The following RASA1 variants were observed in gnomAD, a reference collection of about 807,000 sequenced individuals.
The protein encoded by RASA1 is ras GTPase-activating protein 1.
RASA1 carries 25 observed loss-of-function variants against 132.2 expected under a neutral mutation model. The ratio of observed to expected loss-of-function variants is 0.19; its 90% CI spans 0.14 to 0.26. The LOEUF (loss-of-function observed/expected upper bound fraction) is 0.26, where lower values mean the gene tolerates loss of function less well. Ranked by LOEUF, RASA1 falls within the 10% of genes least tolerant of loss-of-function variation. The pLI is 1.00. For synonymous variants in RASA1, 477 were observed against 449.9 expected, an observed-to-expected ratio of 1.06 and a Z score of -0.76; for missense variants, 964 against 1,299.2, an observed-to-expected ratio of 0.74 and a Z score of 3.97.
At chr5:87,363,282 AT>A in intron 10 of RASA1, 65 bp from the exon 11 acceptor site, 1 of 1,369,874 alleles carries the variant, frequency 7.3e-7, no homozygotes, top group East Asian at 2.3e-5. Context: ...AGAAACACTA[AT>A]TTTAATAATA....
chr5:87,288,177 TATATATATATACC>T (rs1460647793), intron 1 of RASA1, among the ~76,000 whole-genome samples: 1 of 148,488 alleles, frequency 6.7e-6, no homozygotes, highest in African/African-American at 2.5e-5. Context: ...ACACACCATA[TATATATATATACC>T]ATATATATAT....
intron 1 of RASA1, among the ~76,000 whole-genome samples, chr5:87,288,924 A>C (rs1211313882): frequency 6.6e-6 from 1 of 152,162 alleles, no homozygotes; most frequent in African/African-American, 2.4e-5. Flanking sequence ...ATACTTTATC[A>C]TGTATTTCCC....
intron 1 of RASA1, among the ~76,000 whole-genome samples, chr5:87,292,003 CCATTTTAAAATCAGGTTTGTT>C (rs1343473098): frequency 6.6e-6 from 1 of 152,108 alleles, no homozygotes; most frequent in African/African-American, 2.4e-5. Context: ...GGTCTTTTGC[CCATTTTAAAATCAGGTTTGTT>C]TTCTTATTGT....
chr5:87,336,564 G>A (rs1390201478), intron 4 of RASA1, among the ~76,000 whole-genome samples: 1 of 151,944 alleles, frequency 6.6e-6, no homozygotes, highest in Non-Finnish European at 1.5e-5. Context: ...TATAGAATGA[G>A]TTATGATTAG....
chr5:87,377,887 T>C lies in RASA1; in HGVS notation c.2345-509T>C, dbSNP rs537210462. ...TAGATTTGTCAAGGAATAGATAAAATGGTGGTCCTTATTTTACACTTGAGT... is the reference window on the plus strand; with the variant it reads ...TAGATTTGTCAAGGAATAGATAAAACGGTGGTCCTTATTTTACACTTGAGT... On this transcript the variant is annotated intron_variant, in intron 17 of 24. Coordinates refer to ENST00000274376, the MANE Select transcript of RASA1 (RefSeq NM_002890.3). 4.6e-5 allele frequency among the ~76,000 whole-genome samples: 7 copies of C among 152,342 alleles called. No individual in the cohort carries two copies. The South Asian group carries it at 1.4e-3, about 32-fold the overall frequency.
chr5:87,371,502 A>T (rs1273498667), intron 12 of RASA1, among the ~76,000 whole-genome samples: 1 of 152,174 alleles, frequency 6.6e-6, no homozygotes, highest in East Asian at 1.9e-4. Flanking sequence ...CCAAAGCACT[A>T]GATAAACATT....
In RASA1 at chr5:87,383,825, AAC is replaced by A. The variant is rs755436923; in HGVS notation, c.2758+47_2758+48del. The A allele has an allele frequency of 3.4e-5, 51 of 1,493,718 alleles. No individual in the cohort carries two copies. The East Asian group carries it at 1.2e-3, about 34-fold the overall frequency. 92.5% of individuals were successfully genotyped at this position (1,493,718 alleles called of 1,614,324 possible). A position where few individuals can be genotyped will look rare whatever the true frequency, so the allele number is the denominator to read the frequency against. On this transcript the variant is annotated intron_variant, in intron 21 of 24. Coordinates refer to ENST00000274376, the MANE Select transcript of RASA1 (RefSeq NM_002890.3). Reference sequence around the variant, plus strand: ...TTTTGAAATTCAAAATATTAGAATTAACAGTTTCATACTATTTAAGAATACTC... The same window carrying A: ...TTTTGAAATTCAAAATATTAGAATTAAGTTTCATACTATTTAAGAATACTC...
chr5:87,305,162 A>G (rs1359734601), intron 1 of RASA1, among the ~76,000 whole-genome samples: 1 of 152,210 alleles, frequency 6.6e-6, no homozygotes, highest in South Asian at 2.1e-4. Flanking sequence ...TTCTTTGAAT[A>G]TAATGTCTTT....
Position 87,374,164 on chromosome 5 carries a change from T to A in RASA1, c.1778T>A (p.Val593Asp). ...PGTSNKRLRQVSSLVLHIEEA... is the reference protein window; with the variant it reads ...PGTSNKRLRQDSSLVLHIEEA... The stretch of plus-strand genomic sequence containing the variant: ...ATATATATATTTTTTTTTTTTTAGG[T>A]CAGCAGCCTTGTTTTACATATTGAA... The change falls in exon 14 of 25, where the codon GTC becomes GAC. Residue 593 changes from valine (V) to aspartate (D), a missense_variant and splice_region_variant. Physicochemically the swap from Val to Asp is radical, Grantham distance 152. Around this residue, in one of 6 missense-constraint regions of RASA1, gnomAD observed 346 missense variants for 520.1 expected, o/e 0.67. Transcript: ENST00000274376. 1 of 1,472,172 alleles carries A rather than the reference T, an allele frequency of 6.8e-7. No homozygotes were observed. Among genetic ancestry groups the A allele is most frequent in the Non-Finnish European group, 9.0e-7 (1 of 1,106,154 alleles). The allele number at this position is 1,472,172 out of a possible 1,614,324, so 91.2% of individuals were successfully genotyped here.
chr5:87,364,722 T>C (rs1336697284), intron 11 of RASA1, among the ~76,000 whole-genome samples: 3 of 152,122 alleles, frequency 2.0e-5, no homozygotes. Context: ...TCAAACCAGT[T>C]CCCTACATGG....
Position 87,391,090 on chromosome 5 carries a change from A to G in RASA1, c.*207A>G, listed in dbSNP as rs1381238173. On this transcript the variant is annotated 3_prime_UTR_variant, in exon 25 of 25. Coordinates refer to ENST00000274376, the MANE Select transcript of RASA1 (RefSeq NM_002890.3). ...GCTATCTGTGCAGGATATTTGCACTATTTCCACATGGAATCAATCTTTAAC... is the reference window on the plus strand; with the variant it reads ...GCTATCTGTGCAGGATATTTGCACTGTTTCCACATGGAATCAATCTTTAAC... The G allele has an allele frequency of 1.7e-5, 11 of 636,674 alleles. No individual in the cohort carries two copies. The highest frequency in any genetic ancestry group is 7.4e-5 in the South Asian group (4 of 54,310). The allele number at this position is 636,674 out of a possible 1,614,324, so 39.4% of individuals were successfully genotyped here. A position where few individuals can be genotyped will look rare whatever the true frequency, so the allele number is the denominator to read the frequency against.
intron 20 of RASA1, 52 bp from the exon 21 acceptor site, chr5:87,383,661 A>T: frequency 7.4e-7 from 1 of 1,349,382 alleles, no homozygotes; most frequent in Non-Finnish European, 1.0e-6. Flanking sequence ...AATGTAACAC[A>T]TTATATAGGT....
At chr5:87,329,261 A>G (rs1239983132) in intron 1 of RASA1, among the ~76,000 whole-genome samples, 1 of 150,314 alleles carries the variant, frequency 6.7e-6, no homozygotes, top group African/African-American at 2.5e-5. Context: ...CCTGGGTGAC[A>G]TGGCAAAACT....
chr5:87,379,940 C>G, intron 19 of RASA1, 90 bp downstream of exon 19: 2 of 1,288,892 alleles, frequency 1.6e-6, no homozygotes, highest in Non-Finnish European at 2.2e-6. Context: ...TTTCTGTTGT[C>G]CTAATATTAT....
At chr5:87,338,501 TTATATATATATATATA>T (rs3069490) in intron 5 of RASA1, among the ~76,000 whole-genome samples, 34 of 75,670 alleles carry the variant, frequency 4.5e-4, no homozygotes, top group African/African-American at 1.6e-3. Flanking sequence ...CCAGCTAATT[TTATATATATATATATA>T]TATATATATA....
At chr5:87,271,452 CTT>C (rs201918763) in intron 1 of RASA1, among the ~76,000 whole-genome samples, 163 of 38,166 alleles carry the variant, frequency 4.3e-3, no homozygotes, top group African/African-American at 0.016. Context: ...TAGTAGACTT[CTT>C]TTTTTTTTTT....
intron 1 of RASA1, among the ~76,000 whole-genome samples, chr5:87,298,977 C>T (rs1755237887): frequency 6.6e-6 from 1 of 152,172 alleles, no homozygotes; most frequent in Admixed American, 6.5e-5. Context: ...TGGGCCTGTG[C>T]TCTTGGAAAT....
intron 1 of RASA1, among the ~76,000 whole-genome samples, chr5:87,270,106 G>T (rs1753757669): frequency 1.3e-5 from 2 of 151,736 alleles, no homozygotes; most frequent in African/African-American, 4.8e-5. Flanking sequence ...GCCGGACGCG[G>T]TGGCACGCGC....
intron 11 of RASA1, among the ~76,000 whole-genome samples, chr5:87,366,928 AGAGT>A (rs1760569853): frequency 6.6e-6 from 1 of 152,152 alleles, no homozygotes; most frequent in Non-Finnish European, 1.5e-5. Flanking sequence ...CCTACTCAGG[AGAGT>A]GAGGTATGAG....
Sources: gnomAD v4.1 joint callset for allele counts (sites outside exome capture counted in the v4.1 genomes callset) on GRCh38, gnomAD v4.1.1 for gene constraint, gnomAD v4.1.1 regional missense constraint, MANE v1.5 for transcripts, NCBI Gene and HGNC (gene_info 2026-07-23, HGNC 2026-07-21) for gene names.